The following SLIT2 variants were observed in gnomAD, a reference collection of about 807,000 sequenced individuals.
SLIT2 encodes slit guidance ligand 2.
SLIT2 carries 41 observed loss-of-function variants against 185.7 expected under a neutral mutation model. The ratio of observed to expected loss-of-function variants is 0.22; its 90% CI spans 0.17 to 0.29. The LOEUF (loss-of-function observed/expected upper bound fraction) is 0.29, where lower values mean the gene tolerates loss of function less well. SLIT2 is among the 10% of genes least tolerant of loss of function. The pLI, the probability that SLIT2 is intolerant of heterozygous loss-of-function variation, is 1.00. For missense variants in SLIT2, 1,571 were observed against 1,909.0 expected, an observed-to-expected ratio of 0.82 and a Z score of 3.30; for synonymous variants, 693 against 680.2, an observed-to-expected ratio of 1.02 and a Z score of -0.29.
chr4:20,276,181 A>G (rs1714152664), intron 4 of SLIT2, among the ~76,000 whole-genome samples: 1 of 152,178 alleles, frequency 6.6e-6, no homozygotes, highest in African/African-American at 2.4e-5. Context: ...TTAAATCTAA[A>G]TAATGTTACA....
chr4:20,574,088 G>A (rs1006071127), intron 29 of SLIT2, among the ~76,000 whole-genome samples: 4 of 151,784 alleles, frequency 2.6e-5, no homozygotes, highest in Admixed American at 6.6e-5. Context: ...CCAAGTAGCT[G>A]GGACTACAGG....
chr4:20,472,492 A>ATC (rs1715469854), intron 5 of SLIT2, among the ~76,000 whole-genome samples: 1 of 24,904 alleles, frequency 4.0e-5, no homozygotes, highest in Non-Finnish European at 6.0e-5. Context: ...ATCTATATAT[A>ATC]GATATATATC....
At chr4:20,575,413 T>G (rs1293831139) in intron 29 of SLIT2, among the ~76,000 whole-genome samples, 1 of 152,038 alleles carries the variant, frequency 6.6e-6, no homozygotes, top group East Asian at 1.9e-4. Flanking sequence ...GTCGATACAT[T>G]GTTAATTTAA....
intron 4 of SLIT2, among the ~76,000 whole-genome samples, chr4:20,409,900 C>A (rs1279973362): frequency 2.0e-5 from 3 of 151,968 alleles, no homozygotes; most frequent in African/African-American, 7.3e-5. Context: ...TGTCCTTTGA[C>A]CACTTTTTAA....
At chr4:20,403,796 C>T (rs1264490424) in intron 4 of SLIT2, among the ~76,000 whole-genome samples, 3 of 151,272 alleles carry the variant, frequency 2.0e-5, no homozygotes, top group African/African-American at 4.9e-5. Context: ...GCAGATCTTA[C>T]ATAAAATTTT....
chr4:20,318,781 A>G (rs561327735), intron 4 of SLIT2, among the ~76,000 whole-genome samples: 1 of 152,302 alleles, frequency 6.6e-6, no homozygotes. Context: ...GAGAAATGGT[A>G]AATTAGCTAA....
At chr4:20,552,074 A>G (rs1388328349) in intron 25 of SLIT2, among the ~76,000 whole-genome samples, 2 of 152,060 alleles carry the variant, frequency 1.3e-5, no homozygotes, top group African/African-American at 4.8e-5. Context: ...CCAAGAACCT[A>G]CCTCTAAGTC....
At chr4:20,485,556 T>G (rs1717138363) in intron 6 of SLIT2, among the ~76,000 whole-genome samples, 1 of 152,088 alleles carries the variant, frequency 6.6e-6, no homozygotes, top group South Asian at 2.1e-4. Context: ...TAAACAAAGG[T>G]GAATATGCTA....
At chr4:20,476,063 T>C (rs1285066887) in intron 5 of SLIT2, among the ~76,000 whole-genome samples, 1 of 152,198 alleles carries the variant, frequency 6.6e-6, no homozygotes, top group Non-Finnish European at 1.5e-5. Flanking sequence ...ACTGATGTGC[T>C]TTTATGCAGA....
At position 20,457,123 on chromosome 4, in the gene SLIT2, C is replaced by A. The variant is rs529661547; in HGVS notation, c.396-10629C>A. ...AATTGTAATGTCCATAAGTATAATA[C>A]CAATTTTCTAATCATTGATGGGCAT... On this transcript the variant is annotated intron_variant, in intron 4 of 36. Transcript: ENST00000504154. Among the ~76,000 whole-genome samples, 8 of 152,006 alleles carry A rather than the reference C, an allele frequency of 5.3e-5. No individual in the cohort carries two copies. The East Asian group carries it at 1.5e-3, about 29-fold the overall frequency.
Position 20,567,570 on chromosome 4 carries a change from A to T in SLIT2, c.2903A>T (p.His968Leu). The change falls in exon 28 of 37, where the codon CAT becomes CTT. Residue 968 changes from histidine (H) to leucine (L), a missense_variant. By Grantham distance (99) the His-to-Leu change is moderately conservative (BLOSUM62 -3). This residue lies in a region of SLIT2 where 1,202 missense variants were observed against 1,416.4 expected (regional missense o/e 0.85). Transcript: ENST00000504154. The part of the protein sequence containing the change: ...IHACISNPCK[H>L]GGTCHLKEGE... ...GCCTGCATCAGTAACCCATGTAAACATGGAGGAACTTGCCACTTAAAGGAA... is the reference window on the plus strand; with the variant it reads ...GCCTGCATCAGTAACCCATGTAAACTTGGAGGAACTTGCCACTTAAAGGAA... 8 of 1,613,388 alleles carry T rather than the reference A, an allele frequency of 5.0e-6. No individual in the cohort carries two copies. Among genetic ancestry groups the T allele is most frequent in the Non-Finnish European group, 6.8e-6 (8 of 1,179,498 alleles).
rs1578031778 is a variant in SLIT2, at chr4:20,616,838, C to T, written c.3848-72C>T. On this transcript the variant is annotated intron_variant, in intron 34 of 36. Transcript: ENST00000504154. ...AGGTTGGCAGTGAGGTCCCAAGCAT[C>T]AGTATTTCTGAGTAGCAAATGGCTC... The T allele has an allele frequency of 2.7e-6, 4 of 1,488,386 alleles. No individual in the cohort carries two copies. The East Asian group carries it at 6.9e-5, about 26-fold the overall frequency. The allele number at this position is 1,488,386 out of a possible 1,614,324, so 92.2% of individuals were successfully genotyped here.
chr4:20,505,831 G>A (rs1240969298), intron 9 of SLIT2, among the ~76,000 whole-genome samples: 1 of 151,948 alleles, frequency 6.6e-6, no homozygotes, highest in Non-Finnish European at 1.5e-5. Flanking sequence ...TATATTGTTG[G>A]TAGTTCATTC....
At chr4:20,584,968 T>C (rs1215666904) in intron 29 of SLIT2, among the ~76,000 whole-genome samples, 1 of 151,786 alleles carries the variant, frequency 6.6e-6, no homozygotes, top group Non-Finnish European at 1.5e-5. Flanking sequence ...GGCAGGAGAA[T>C]CACTTGAGCC....
chr4:20,350,868 A>G (rs1397645696), intron 4 of SLIT2, among the ~76,000 whole-genome samples: 2 of 152,112 alleles, frequency 1.3e-5, no homozygotes, highest in Non-Finnish European at 2.9e-5. Flanking sequence ...TTTTACTTAT[A>G]AAAGTAATAT....
At chr4:20,431,865 T>A (rs1431395883) in intron 4 of SLIT2, among the ~76,000 whole-genome samples, 2 of 152,214 alleles carry the variant, frequency 1.3e-5, no homozygotes, top group African/African-American at 4.8e-5. Context: ...TTCAGCATGT[T>A]CTACTGTGAG....
intron 4 of SLIT2, among the ~76,000 whole-genome samples, chr4:20,313,714 C>T (rs575789847): frequency 3.3e-5 from 5 of 152,212 alleles, no homozygotes; most frequent in South Asian, 2.1e-4. Context: ...AACTGTTCTG[C>T]GCTAGATTCT....
At chr4:20,296,045 T>C (rs1423158902) in intron 4 of SLIT2, among the ~76,000 whole-genome samples, 1 of 152,236 alleles carries the variant, frequency 6.6e-6, no homozygotes, top group Non-Finnish European at 1.5e-5. Context: ...AAGTTTTCTA[T>C]CATGTGTTGT....
chr4:20,445,620 A>G (rs1389844118), intron 4 of SLIT2, among the ~76,000 whole-genome samples: 1 of 152,232 alleles, frequency 6.6e-6, no homozygotes, highest in Non-Finnish European at 1.5e-5. Context: ...TTTAGGAACC[A>G]GATAAAAGCA....
Sources: allele counts gnomAD v4.1 joint callset (sites outside exome capture counted in the v4.1 genomes callset), GRCh38; gene constraint gnomAD v4.1.1; regional missense constraint gnomAD v4.1.1; transcripts MANE v1.5; gene names NCBI Gene and HGNC (gene_info 2026-07-23, HGNC 2026-07-21).